The following SYT12 variants were observed in gnomAD, a reference collection of about 807,000 sequenced individuals.
SYT12 encodes the protein synaptotagmin-12.
Under a neutral mutation model 39.5 loss-of-function variants are expected in SYT12, and 27 were observed. That is an observed-to-expected ratio of 0.68 (90% confidence interval 0.50 to 0.94). The LOEUF (loss-of-function observed/expected upper bound fraction) is 0.94. Ranked by LOEUF, SYT12 falls within the 40% of genes least tolerant of loss-of-function variation. The pLI, the probability that SYT12 is intolerant of heterozygous loss-of-function variation, is 0.00. For synonymous variants in SYT12, 233 were observed against 239.7 expected (o/e 0.97, Z 0.26); for missense variants, 536 against 572.6 (o/e 0.94, Z 0.65).
chr11:67,025,742 T>C (rs1183092778), intron 1 of SYT12, among the ~76,000 whole-genome samples: 1 of 152,104 alleles, frequency 6.6e-6, no homozygotes, highest in African/African-American at 2.4e-5. Flanking sequence ...TCCTCCTCAC[T>C]GGTTGGGTGA....
At chr11:67,048,484 G>A in intron 7 of SYT12, 100 bp from the exon 8 acceptor site, 1 of 1,315,984 alleles carries the variant, frequency 7.6e-7, no homozygotes, top group Non-Finnish European at 1.0e-6. Flanking sequence ...GCTGTGCCTG[G>A]CACCCCACTG....
chr11:67,027,902 G>A (rs533912516), intron 1 of SYT12: 6 of 152,366 alleles, frequency 3.9e-5, no homozygotes, highest in South Asian at 4.1e-4. Context: ...GGAGGTGCGT[G>A]TGTGTACATT....
At chr11:67,042,988 C>A (rs1248339391) in intron 4 of SYT12, among the ~76,000 whole-genome samples, 1 of 152,166 alleles carries the variant, frequency 6.6e-6, no homozygotes, top group Non-Finnish European at 1.5e-5. Flanking sequence ...CAGGCAGGGT[C>A]CAGGGATGAG....
chr11:67,039,729 C>A, intron 3 of SYT12, 82 bp from the exon 4 acceptor site: 3 of 1,491,686 alleles, frequency 2.0e-6, no homozygotes, highest in African/African-American at 1.4e-5. Context: ...AATGAACAGG[C>A]CTTACTCATC....
intron 4 of SYT12, among the ~76,000 whole-genome samples, chr11:67,042,128 G>A (rs146123239): frequency 1.3e-5 from 2 of 152,314 alleles, no homozygotes; most frequent in East Asian, 3.9e-4. Context: ...TCAAATCCTT[G>A]TTCCACCTCT....
intron 3 of SYT12, among the ~76,000 whole-genome samples, chr11:67,015,217 G>T (rs1348029380): frequency 6.6e-6 from 1 of 152,232 alleles, no homozygotes; most frequent in Non-Finnish European, 1.5e-5. Flanking sequence ...CAGCGCAGGT[G>T]TCTTGTGGAA....
In SYT12 at chr11:67,044,624, C is replaced by T. The variant is rs1950577010; in HGVS notation, c.869C>T (p.Ser290Phe). The T allele has an allele frequency of 6.2e-7, 1 of 1,613,328 alleles. No homozygotes were observed. The highest frequency in any genetic ancestry group is 8.5e-7 in the Non-Finnish European group (1 of 1,179,978). Residue 290 changes from serine to phenylalanine, a missense_variant, in exon 6 of 8, where the codon TCC becomes TTC. Transcript: ENST00000527043. ...GATGCTGTGGGGGAGATCCTGCTCT[C>T]CCTCAGCTACCTCCCCACAGCCGAG... ...AADAVGEILL[S>F]LSYLPTAERL...
At position 67,029,881 on chromosome 11, in the gene SYT12, G is replaced by A. The variant is rs143631996; in HGVS notation, c.-23-241G>A. The A allele has an allele frequency of 6.3e-5, 29 of 463,120 alleles. No individual in the cohort carries two copies. The East Asian group carries it at 9.2e-4, about 15-fold the overall frequency. The allele number at this position is 463,120 out of a possible 1,614,324, so 28.7% of individuals were successfully genotyped here. A position where few individuals can be genotyped will look rare whatever the true frequency, so the allele number is the denominator to read the frequency against. ...AACAAAACAAAACAAAACAAAATCT[G>A]AAATTCACATGCCACTGGGCATCCT... On this transcript the variant is annotated intron_variant, in intron 1 of 7. Transcript: ENST00000527043.
intron 3 of SYT12, among the ~76,000 whole-genome samples, chr11:67,012,382 A>T (rs989915814): frequency 5.3e-5 from 8 of 151,950 alleles, no homozygotes; most frequent in African/African-American, 1.7e-4. Context: ...AAAAATTTTT[A>T]AAAATAATAA....
intron 3 of SYT12, among the ~76,000 whole-genome samples, chr11:67,017,752 G>C (rs1390737648): frequency 1.3e-5 from 2 of 148,602 alleles, no homozygotes; most frequent in African/African-American, 4.9e-5. Context: ...CTGAGGTCAG[G>C]AGTTCGAGAC....
At chr11:67,029,990 CTTTGGTGGCACT>C in intron 1 of SYT12, 120 bp from the exon 2 acceptor site, 1 of 687,328 alleles carries the variant, frequency 1.5e-6, no homozygotes, top group African/African-American at 1.8e-5. Flanking sequence ...CCAAGCCTCC[CTTTGGTGGCACT>C]CCCCTTATAG....
chr11:67,032,132 G>A (rs769012594), intron 2 of SYT12: 1 of 152,230 alleles, frequency 6.6e-6, no homozygotes, highest in Non-Finnish European at 1.5e-5. Flanking sequence ...TTTTGCGCAC[G>A]TCACACGATT....
chr11:67,034,528 C>T, intron 2 of SYT12, 117 bp from the exon 3 acceptor site: 1 of 867,196 alleles, frequency 1.2e-6, no homozygotes, highest in Non-Finnish European at 1.7e-6. Context: ...TCTCCAGCAC[C>T]TAGCACATAG....
At chr11:67,044,552 G>A (rs537182325) in intron 5 of SYT12, 41 bp from the exon 6 acceptor site, 14 of 1,601,216 alleles carry the variant, frequency 8.7e-6, no homozygotes, top group Admixed American at 6.8e-5. Context: ...CCCTCAAGTC[G>A]GGTGGGGAGA....
At chr11:67,015,533 T>C (rs1334141801) in intron 3 of SYT12, among the ~76,000 whole-genome samples, 1 of 151,824 alleles carries the variant, frequency 6.6e-6, no homozygotes, top group Non-Finnish European at 1.5e-5. Flanking sequence ...GGGAAGGGCT[T>C]TCTCTCCTCG....
rs1006999157 is a variant in SYT12 at position 67,038,468 on chromosome 11, GA to G, written c.229-1334del. 4.2e-4 allele frequency among the ~76,000 whole-genome samples: 64 copies of G among 150,612 alleles called. 1 individual carries two copies. In the Middle Eastern group the frequency reaches 0.01, roughly 24 times the overall value. On this transcript the variant is annotated intron_variant, in intron 3 of 7. Transcript: ENST00000527043. ...CATGAGCCACCGTGCCTGGCCAAGG[GA>G]AAAAAAAATTAATATTTGGGTGAGT... is the stretch of plus-strand genomic sequence containing the variant.
intron 1 of SYT12, chr11:67,029,109 G>A (rs1441989978): frequency 6.6e-6 from 1 of 152,240 alleles, no homozygotes; most frequent in Non-Finnish European, 1.5e-5. Context: ...CTGTGAGCCA[G>A]ATTTACTTCT....
intron 6 of SYT12, 63 bp downstream of exon 6, chr11:67,044,776 T>A: frequency 6.2e-7 from 1 of 1,600,208 alleles, no homozygotes; most frequent in Non-Finnish European, 8.5e-7. Flanking sequence ...GCCCAGCTGC[T>A]GTGCTGTGGG....
At chr11:67,046,058 C>T (rs746408597) in intron 7 of SYT12, among the ~76,000 whole-genome samples, 181 bp downstream of exon 7, 4 of 151,962 alleles carry the variant, frequency 2.6e-5, no homozygotes, top group Non-Finnish European at 5.9e-5. Context: ...GGGACACAGG[C>T]ATGGCTTTCT....
Sources: allele counts gnomAD v4.1 joint callset (sites outside exome capture counted in the v4.1 genomes callset), GRCh38; gene constraint gnomAD v4.1.1; transcripts MANE v1.5; gene names NCBI Gene and HGNC (gene_info 2026-07-23, HGNC 2026-07-21).